ARID5B: variants seen among roughly 807,000 people sequenced by gnomAD.
ARID5B encodes the protein AT-rich interactive domain-containing protein 5B.
In ARID5B, 13 loss-of-function variants were observed where a neutral mutation model predicts 97.2. The observed-to-expected ratio is 0.13, with a 90% CI of 0.09 to 0.21. The LOEUF is 0.21. Ranked by LOEUF, ARID5B falls within the 10% of genes least tolerant of loss-of-function variation. The pLI is 1.00. For missense variants in ARID5B, 1,210 were observed against 1,465.3 expected, an observed-to-expected ratio of 0.83 and a Z score of 2.84; for synonymous variants, 556 against 570.3, an observed-to-expected ratio of 0.97 and a Z score of 0.36.
chr10:61,923,547 C>A (rs1442767816), intron 2 of ARID5B, among the ~76,000 whole-genome samples: 1 of 152,188 alleles, frequency 6.6e-6, no homozygotes, highest in Non-Finnish European at 1.5e-5. Context: ...TCACTTATGA[C>A]CATTTTTCAT....
At chr10:62,077,567 C>G (rs894776318) in intron 8 of ARID5B, among the ~76,000 whole-genome samples, 27 of 152,226 alleles carry the variant, frequency 1.8e-4, no homozygotes, top group African/African-American at 5.8e-4. Context: ...TTTTCTTTGT[C>G]GAGCTCCTTT....
chr10:61,902,493 A>T, intron 2 of ARID5B, 80 bp downstream of exon 2: 3 of 1,552,002 alleles, frequency 1.9e-6, no homozygotes, highest in Non-Finnish European at 2.6e-6. Context: ...AAGCTTGAAA[A>T]TACTGTATTC....
At position 62,092,120 on chromosome 10, in the gene ARID5B, C is replaced by G. The variant is rs1389664637; in HGVS notation, c.2657C>G (p.Ser886Cys). 2 of 1,610,664 alleles carry G rather than the reference C, an allele frequency of 1.2e-6. No homozygotes were observed. Among genetic ancestry groups the G allele is most frequent in the African/African-American group, 2.7e-5 (2 of 74,630 alleles). The change falls in exon 10 of 10, where the codon TCC becomes TGC. Residue 886 changes from serine to cysteine, a missense_variant. Physicochemically the swap from Ser to Cys is moderately radical, Grantham distance 112. Coordinates refer to ENST00000279873, the MANE Select transcript of ARID5B (RefSeq NM_032199.3). ...AAGCTCCATGTAAATTATCTCACGT[C>G]CCTGCACCTGCAAGACAAAAAGTCG... ...QEKLHVNYLT[S>C]LHLQDKKSAA...
intron 3 of ARID5B, among the ~76,000 whole-genome samples, chr10:61,965,899 A>G (rs1366895187): frequency 1.3e-5 from 2 of 152,200 alleles, no homozygotes; most frequent in Non-Finnish European, 2.9e-5. Flanking sequence ...AGTTATGTGC[A>G]TTATCTGGGA....
intron 3 of ARID5B, among the ~76,000 whole-genome samples, chr10:61,991,070 A>ACACACACG (rs1304611299): frequency 6.6e-6 from 1 of 151,670 alleles, no homozygotes. Context: ...ACACACACAC[A>ACACACACG]CACCAAATTT....
intron 4 of ARID5B, among the ~76,000 whole-genome samples, chr10:62,002,855 C>T (rs1398389491): frequency 6.6e-6 from 1 of 152,038 alleles, no homozygotes; most frequent in Non-Finnish European, 1.5e-5. Context: ...ATATTCTGTA[C>T]CACACGTTTG....
intron 3 of ARID5B, among the ~76,000 whole-genome samples, chr10:61,970,019 ATAGT>A (rs1341532910): frequency 6.6e-6 from 1 of 152,224 alleles, no homozygotes; most frequent in African/African-American, 2.4e-5. Context: ...ATAAAGAAAA[ATAGT>A]TAGCCAATCC....
At chr10:61,947,257 C>CTTTCTTTTTTTTTTT (rs1838251302) in intron 3 of ARID5B, among the ~76,000 whole-genome samples, 1 of 107,374 alleles carries the variant, frequency 9.3e-6, no homozygotes, top group Non-Finnish European at 2.0e-5. Context: ...TTCTCACTTA[C>CTTTCTTTTTTTTTTT]TTTCTTTTTT....
intron 2 of ARID5B, among the ~76,000 whole-genome samples, chr10:61,918,859 C>A (rs1288043744): frequency 6.6e-6 from 1 of 152,040 alleles, no homozygotes; most frequent in Non-Finnish European, 1.5e-5. Context: ...CATGGTGAAA[C>A]CCTGTCTGTA....
At chr10:61,934,785 C>T (rs1205962263) in intron 2 of ARID5B, among the ~76,000 whole-genome samples, 5 of 151,986 alleles carry the variant, frequency 3.3e-5, no homozygotes, top group Admixed American at 1.3e-4. Context: ...GAGTCTGAGG[C>T]GGGTGGATCA....
intron 3 of ARID5B, among the ~76,000 whole-genome samples, chr10:61,989,231 T>C (rs1838889938): frequency 6.6e-6 from 1 of 152,166 alleles, no homozygotes; most frequent in Admixed American, 6.5e-5. Context: ...GTGCGGCCAG[T>C]AATCACTTCT....
intron 4 of ARID5B, among the ~76,000 whole-genome samples, chr10:62,042,842 G>C (rs964569500): frequency 1.3e-5 from 2 of 151,646 alleles, no homozygotes; most frequent in African/African-American, 4.9e-5. Flanking sequence ...GTGAACCTGG[G>C]AGGTGGAGCA....
intron 8 of ARID5B, among the ~76,000 whole-genome samples, chr10:62,078,991 C>T (rs1840174487): frequency 1.3e-5 from 2 of 152,288 alleles, no homozygotes; most frequent in South Asian, 4.1e-4. Context: ...TTGCCCAGTG[C>T]CCAAGCCATA....
In ARID5B at chr10:62,085,918, A is replaced by C. The variant is rs1300822030; in HGVS notation, c.1398+18A>C. ...CAGCAGAGGTGAGTTGCTTTGCTCC[A>C]TAGAAATACCTCTGGAAGACATGTG... On this transcript the variant is annotated intron_variant, in intron 9 of 9. Transcript: ENST00000279873. 1.9e-6 allele frequency: 3 copies of C among 1,603,840 alleles called. No homozygotes were observed.
intron 3 of ARID5B, among the ~76,000 whole-genome samples, chr10:61,989,202 T>G (rs140035057): frequency 0.087 from 13,209 of 152,240 alleles, 631 homozygotes; most frequent in East Asian, 0.14. Context: ...GTGCTGGGAT[T>G]ACAGGCGTGA....
At chr10:62,090,753 T>C in intron 9 of ARID5B, 109 bp from the exon 10 acceptor site, 1 of 1,374,654 alleles carries the variant, frequency 7.3e-7, no homozygotes, top group Non-Finnish European at 9.7e-7. Flanking sequence ...ACGAGCTGAT[T>C]GACAAGCCTG....
At chr10:62,037,658 C>T (rs1225544443) in intron 4 of ARID5B, among the ~76,000 whole-genome samples, 1 of 152,146 alleles carries the variant, frequency 6.6e-6, no homozygotes, top group Admixed American at 6.6e-5. Context: ...CGCCCCCCTT[C>T]TTTATTATTT....
At chr10:61,917,985 G>T (rs1233734944) in intron 2 of ARID5B, among the ~76,000 whole-genome samples, 1 of 152,168 alleles carries the variant, frequency 6.6e-6, no homozygotes, top group Non-Finnish European at 1.5e-5. Context: ...AGGGATGGAT[G>T]AGGGTAAGAG....
intron 3 of ARID5B, among the ~76,000 whole-genome samples, chr10:61,962,528 A>C (rs1838486132): frequency 6.6e-6 from 1 of 152,222 alleles, no homozygotes; most frequent in African/African-American, 2.4e-5. Flanking sequence ...GGCCTGGATC[A>C]TTTGCCAGAC....
Sources: allele counts gnomAD v4.1 joint callset (sites outside exome capture counted in the v4.1 genomes callset), GRCh38; gene constraint gnomAD v4.1.1; transcripts MANE v1.5; gene names NCBI Gene and HGNC (gene_info 2026-07-23, HGNC 2026-07-21).